The following LPAR1 variants were observed in gnomAD, a reference collection of about 807,000 sequenced individuals.
LPAR1 encodes LPA receptor 1.
LPAR1 carries 5 observed loss-of-function variants against 23.8 expected under a neutral mutation model. The observed-to-expected ratio is 0.21, with a 90% confidence interval of 0.11 to 0.44. The LOEUF is 0.44. Ranked by LOEUF, LPAR1 falls within the 20% of genes least tolerant of loss-of-function variation. The probability of loss-of-function intolerance (pLI) is 0.99; values close to 1 mark genes in which losing one functional copy is unlikely to be tolerated. For synonymous variants in LPAR1, 160 were observed against 164.7 expected (o/e 0.97, Z 0.22); for missense variants, 311 against 482.8 (o/e 0.64, Z 3.33).
intron 2 of LPAR1, among the ~76,000 whole-genome samples, chr9:111,019,684 AC>A (rs371237664): frequency 0.011 from 1,606 of 151,756 alleles, 24 homozygotes; most frequent in African/African-American, 0.033. Flanking sequence ...AAAAAAAAAA[AC>A]ATACAAAAAA....
At chr9:110,912,021 C>A (rs1323131810) in intron 5 of LPAR1, among the ~76,000 whole-genome samples, 1 of 152,076 alleles carries the variant, frequency 6.6e-6, no homozygotes, top group Admixed American at 6.6e-5. Context: ...AGGCAGAAAC[C>A]CTTGGGTGAT....
intron 2 of LPAR1, among the ~76,000 whole-genome samples, chr9:110,998,414 A>G (rs2097060970): frequency 6.6e-6 from 1 of 152,210 alleles, no homozygotes; most frequent in Non-Finnish European, 1.5e-5. Flanking sequence ...TGCCAGAAAT[A>G]TTGTTTCAGG....
chr9:110,906,803 A>G (rs921279008), intron 5 of LPAR1, among the ~76,000 whole-genome samples: 1 of 152,176 alleles, frequency 6.6e-6, no homozygotes, highest in Non-Finnish European at 1.5e-5. Flanking sequence ...ATATCACATA[A>G]AGTAAATGAA....
intron 5 of LPAR1, among the ~76,000 whole-genome samples, chr9:110,918,653 G>C (rs373515046): frequency 1.8e-4 from 28 of 152,248 alleles, no homozygotes; most frequent in African/African-American, 6.5e-4. Context: ...GGAAGGGGAA[G>C]TGAAGGAACA....
chr9:110,910,235 T>C lies in LPAR1; in HGVS notation c.793+31186A>G, dbSNP rs569849288. Among the ~76,000 whole-genome samples, 4 of 152,228 alleles carry C rather than the reference T, an allele frequency of 2.6e-5. No individual in the cohort carries two copies. The East Asian group carries it at 5.8e-4, about 22-fold the overall frequency. ...TGGTGTGTCTTTAAGCAGAAGCCAGTGCTCATTTACCATTCCAAAAATCCT... is the reference window on the plus strand; with the variant it reads ...TGGTGTGTCTTTAAGCAGAAGCCAGCGCTCATTTACCATTCCAAAAATCCT... On this transcript the variant is annotated intron_variant, in intron 5 of 5. Coordinates refer to ENST00000683809, the MANE Select transcript of LPAR1 (RefSeq NM_001351411.2).
chr9:110,999,481 GC>G, intron 2 of LPAR1: 1 of 455,312 alleles, frequency 2.2e-6, no homozygotes, highest in Middle Eastern at 3.3e-4. Context: ...CAACCAGACA[GC>G]TATCCACTTG....
At chr9:110,900,555 A>G (rs968768068) in intron 5 of LPAR1, among the ~76,000 whole-genome samples, 2 of 152,212 alleles carry the variant, frequency 1.3e-5, no homozygotes, top group African/African-American at 4.8e-5. Context: ...AACATTTCAT[A>G]GCATTTCTAG....
intron 5 of LPAR1, among the ~76,000 whole-genome samples, chr9:110,921,030 C>T (rs1018198396): frequency 2.0e-5 from 3 of 151,780 alleles, no homozygotes; most frequent in Admixed American, 6.6e-5. Flanking sequence ...TAGCTGCACA[C>T]GAGGCTAAAG....
In LPAR1 at chr9:110,972,925, C is replaced by A. The variant is rs530749200; in HGVS notation, c.-104+556G>T. ...TGGCACCACTGCACTCCAGCCTGGG[C>A]GACACAGAGAGACTCCTTCTCAAAA... is the stretch of plus-strand genomic sequence containing the variant. On this transcript the variant is annotated intron_variant, in intron 3 of 5. Coordinates refer to ENST00000683809, the MANE Select transcript of LPAR1 (RefSeq NM_001351411.2). 4.6e-5 allele frequency among the ~76,000 whole-genome samples: 7 copies of A among 151,206 alleles called. No homozygotes were observed. In the South Asian group the frequency reaches 6.3e-4, roughly 14 times the overall value.
At chr9:110,986,379 A>C (rs2096781363) in intron 2 of LPAR1, among the ~76,000 whole-genome samples, 1 of 152,036 alleles carries the variant, frequency 6.6e-6, no homozygotes, top group South Asian at 2.1e-4. Flanking sequence ...AAAATATTTC[A>C]TTCTAAGAGT....
At chr9:110,886,930 T>C (rs1031770740) in intron 5 of LPAR1, among the ~76,000 whole-genome samples, 1 of 152,208 alleles carries the variant, frequency 6.6e-6, no homozygotes, top group Non-Finnish European at 1.5e-5. Flanking sequence ...ACTAAGGTGA[T>C]TTGAATAATA....
At position 110,896,874 on chromosome 9, in the gene LPAR1, G is replaced by A. The variant is rs187622578; in HGVS notation, c.794-21152C>T. On this transcript the variant is annotated intron_variant, in intron 5 of 5. Coordinates refer to ENST00000683809, the MANE Select transcript of LPAR1 (RefSeq NM_001351411.2). Reference sequence around the variant, plus strand: ...GTGATCTCAGCTCACTGCAAGCTCCGCCTCCCAGGTTCATGCCATTCTCCT... The same window carrying A: ...GTGATCTCAGCTCACTGCAAGCTCCACCTCCCAGGTTCATGCCATTCTCCT... Among the ~76,000 whole-genome samples, 562 of 144,472 alleles carry A rather than the reference G, an allele frequency of 3.9e-3. 2 individuals are homozygous for A. Among genetic ancestry groups the A allele is most frequent in the African/African-American group, 0.013 (515 of 38,574 alleles). The allele number at this position is 144,472 out of a possible 152,430, so 94.8% of individuals were successfully genotyped here.
At chr9:110,922,824 A>ATTATATTAT (rs1554786500) in intron 5 of LPAR1, among the ~76,000 whole-genome samples, 1 of 142,242 alleles carries the variant, frequency 7.0e-6, no homozygotes, top group Admixed American at 7.1e-5. Flanking sequence ...TCTTATTATT[A>ATTATATTAT]TATTATTATT....
chr9:110,899,116 A>G (rs776153951), intron 5 of LPAR1, among the ~76,000 whole-genome samples: 2 of 152,226 alleles, frequency 1.3e-5, no homozygotes, highest in Non-Finnish European at 2.9e-5. Context: ...AAGAATGGAA[A>G]TACTGGCTAC....
At chr9:110,937,323 T>G (rs10980645) in intron 5 of LPAR1, among the ~76,000 whole-genome samples, 32,782 of 152,184 alleles carry the variant, frequency 0.22, 4,341 homozygotes, top group Admixed American at 0.29. Context: ...CAGCATGTGC[T>G]GCTAGTTGTT....
intron 2 of LPAR1, among the ~76,000 whole-genome samples, chr9:111,003,985 T>A (rs142218709): frequency 1.3e-5 from 2 of 152,198 alleles, no homozygotes; most frequent in African/African-American, 4.8e-5. Context: ...CAAAGTCACA[T>A]TAACTATTTC....
chr9:110,916,838 G>A (rs1229624954), intron 5 of LPAR1, among the ~76,000 whole-genome samples: 2 of 150,292 alleles, frequency 1.3e-5, no homozygotes, highest in Non-Finnish European at 3.0e-5. Context: ...TTTAAACTTG[G>A]AAAAAATAAC....
chr9:111,017,584 C>G (rs773879710), intron 2 of LPAR1, among the ~76,000 whole-genome samples: 1 of 152,168 alleles, frequency 6.6e-6, no homozygotes, highest in South Asian at 2.1e-4. Flanking sequence ...TAAACCAGCA[C>G]AGGTATAATT....
Position 111,021,963 on chromosome 9 carries a change from CAAAAAAA to C in LPAR1, c.-182+14152_-182+14158del, listed in dbSNP as rs3030187. On this transcript the variant is annotated intron_variant, in intron 2 of 5. Coordinates refer to ENST00000683809, the MANE Select transcript of LPAR1 (RefSeq NM_001351411.2). ...TGGGTGACAGAGCGAGACTCCGTCA[CAAAAAAA>C]AAAAAAAAAAAAAAAAAAAGTCTCA... is the stretch of plus-strand genomic sequence containing the variant. Among the ~76,000 whole-genome samples, 78 of 69,876 alleles carry C rather than the reference CAAAAAAA, an allele frequency of 1.1e-3. 1 individual carries two copies. Among genetic ancestry groups the C allele is most frequent in the Admixed American group, 1.7e-3 (8 of 4,786 alleles). 45.8% of individuals were successfully genotyped at this position (69,876 alleles called of 152,430 possible).
Sources: gnomAD v4.1 joint callset for allele counts (sites outside exome capture counted in the v4.1 genomes callset) on GRCh38, gnomAD v4.1.1 for gene constraint, MANE v1.5 for transcripts, NCBI Gene and HGNC (gene_info 2026-07-23, HGNC 2026-07-21) for gene names.